Variants in CDK19 observed in about 807,000 individuals in gnomAD.
CDK19 encodes cyclin dependent kinase 19.
A neutral mutation model predicts 68.3 loss-of-function variants in CDK19; 20 were observed. That is an observed-to-expected ratio of 0.29 (90% CI 0.21 to 0.43). The LOEUF (loss-of-function observed/expected upper bound fraction) is 0.43, where lower values mean the gene tolerates loss of function less well. CDK19 is among the 20% of genes least tolerant of loss of function. The pLI is 1.00. For synonymous variants in CDK19, 221 were observed against 222.8 expected, an observed-to-expected ratio of 0.99 and a Z score of 0.07; for missense variants, 339 against 623.5, an observed-to-expected ratio of 0.54 and a Z score of 4.86.
intron 1 of CDK19, among the ~76,000 whole-genome samples, chr6:110,808,796 C>T (rs1057473562): frequency 1.3e-5 from 2 of 152,088 alleles, no homozygotes; most frequent in African/African-American, 4.8e-5. Flanking sequence ...TATAAAATAG[C>T]TAGTAAAAGC....
intron 2 of CDK19, among the ~76,000 whole-genome samples, chr6:110,716,436 A>C (rs9481099): frequency 0.019 from 2,951 of 152,246 alleles, 92 homozygotes; most frequent in African/African-American, 0.068. Context: ...AAGAAAAAAA[A>C]ACCTAACAAA....
chr6:110,659,288 C>T (rs1781480762), intron 4 of CDK19, among the ~76,000 whole-genome samples: 2 of 152,174 alleles, frequency 1.3e-5, no homozygotes, highest in Admixed American at 6.5e-5. Context: ...ATCAAATGTT[C>T]AGAAAGATGA....
At chr6:110,778,406 C>T (rs1780563098) in intron 1 of CDK19, among the ~76,000 whole-genome samples, 1 of 152,020 alleles carries the variant, frequency 6.6e-6, no homozygotes, top group South Asian at 2.1e-4. Flanking sequence ...TCTTTTAATT[C>T]AAAGGTTAAA....
intron 2 of CDK19, among the ~76,000 whole-genome samples, chr6:110,707,366 A>C (rs1244880007): frequency 6.6e-6 from 1 of 151,984 alleles, no homozygotes; most frequent in African/African-American, 2.4e-5. Flanking sequence ...AAAAAAACTG[A>C]GAAGGCTGAA....
At chr6:110,683,625 C>A (rs1470148915) in intron 2 of CDK19, among the ~76,000 whole-genome samples, 2 of 151,810 alleles carry the variant, frequency 1.3e-5, no homozygotes, top group African/African-American at 4.8e-5. Flanking sequence ...ACCAAGTAAG[C>A]TTTGCGATAA....
chr6:110,631,533 T>C (rs1779436876), intron 6 of CDK19, among the ~76,000 whole-genome samples: 1 of 152,230 alleles, frequency 6.6e-6, no homozygotes, highest in Admixed American at 6.5e-5. Context: ...CCAGACTCTA[T>C]TTCCTACCTT....
At chr6:110,651,312 T>TG (rs551471582) in intron 4 of CDK19, among the ~76,000 whole-genome samples, 88 of 152,260 alleles carry the variant, frequency 5.8e-4, no homozygotes, top group Non-Finnish European at 1.1e-3. Context: ...ATCTTCCTCC[T>TG]GCCCAATTTC....
intron 12 of CDK19, among the ~76,000 whole-genome samples, chr6:110,617,409 A>G (rs1778384668): frequency 6.6e-6 from 1 of 152,044 alleles, no homozygotes; most frequent in African/African-American, 2.4e-5. Flanking sequence ...CCCTCAGTCT[A>G]TTAGCATCAG....
intron 12 of CDK19, among the ~76,000 whole-genome samples, chr6:110,620,672 C>T (rs889890930): frequency 1.3e-5 from 2 of 152,162 alleles, no homozygotes; most frequent in Admixed American, 6.6e-5. Flanking sequence ...TCAGTCTTAG[C>T]CCCCTTCTCT....
chr6:110,638,603 G>C lies in CDK19; in HGVS notation c.514+46C>G, dbSNP rs762790561. 1.7e-5 allele frequency: 16 copies of C among 946,454 alleles called. No homozygotes were observed. In the East Asian group the frequency reaches 2.4e-4, roughly 14 times the overall value. 58.6% of individuals were successfully genotyped at this position (946,454 alleles called of 1,614,324 possible). ...ATTAAAAAGGGAAACCATCTTTGCA[G>C]TTAACTTCAGTTTTTAAATAAATTA... is the stretch of plus-strand genomic sequence containing the variant. On this transcript the variant is annotated intron_variant, in intron 5 of 12. Transcript: ENST00000368911.
chr6:110,646,161 C>T lies in CDK19; in HGVS notation c.457-7455G>A, dbSNP rs1007877709. On this transcript the variant is annotated intron_variant, in intron 4 of 12. Transcript: ENST00000368911. Reference sequence around the variant, plus strand: ...CACCTTCGGCATGGAGAGCACGCAGCGCGCCACCGGCCACCAGAGCCTGTT... The same window carrying T: ...CACCTTCGGCATGGAGAGCACGCAGTGCGCCACCGGCCACCAGAGCCTGTT... 4.8e-6 allele frequency: 5 copies of T among 1,038,182 alleles called. No individual in the cohort carries two copies. The African/African-American group carries it at 6.3e-5, about 13-fold the overall frequency. 64.3% of individuals were successfully genotyped at this position (1,038,182 alleles called of 1,614,324 possible).
chr6:110,771,752 C>T (rs915323006), intron 1 of CDK19, among the ~76,000 whole-genome samples: 3 of 152,180 alleles, frequency 2.0e-5, no homozygotes, highest in Non-Finnish European at 2.9e-5. Flanking sequence ...TCCAAGTCAC[C>T]TCTCGAATGC....
chr6:110,734,520 G>GCGCTCTCTCTCTCT (rs1554214772), intron 2 of CDK19, among the ~76,000 whole-genome samples: 2 of 85,734 alleles, frequency 2.3e-5, no homozygotes, highest in Non-Finnish European at 4.7e-5. Flanking sequence ...GGTGAGCACT[G>GCGCTCTCTCTCTCT]CTCTCTCTCT....
At chr6:110,761,003 A>G (rs1338405696) in intron 1 of CDK19, among the ~76,000 whole-genome samples, 1 of 152,212 alleles carries the variant, frequency 6.6e-6, no homozygotes, top group African/African-American at 2.4e-5. Context: ...AAGTTCAGTA[A>G]GGCTGGTTTC....
intron 12 of CDK19, among the ~76,000 whole-genome samples, chr6:110,618,579 TG>T (rs1778499887): frequency 6.6e-6 from 1 of 152,234 alleles, no homozygotes; most frequent in African/African-American, 2.4e-5. Context: ...AGGGTGGGGT[TG>T]AGGTCCCACC....
At chr6:110,734,520 G>GCCCTCTCTCTCTCT (rs1554214772) in intron 2 of CDK19, among the ~76,000 whole-genome samples, 1 of 85,734 alleles carries the variant, frequency 1.2e-5, no homozygotes, top group African/African-American at 4.2e-5. Flanking sequence ...GGTGAGCACT[G>GCCCTCTCTCTCTCT]CTCTCTCTCT....
At chr6:110,700,164 CTG>C (rs1198034695) in intron 2 of CDK19, among the ~76,000 whole-genome samples, 1 of 152,224 alleles carries the variant, frequency 6.6e-6, no homozygotes, top group Non-Finnish European at 1.5e-5. Flanking sequence ...TGATCTGTCA[CTG>C]TCTCCCAGTA....
intron 2 of CDK19, among the ~76,000 whole-genome samples, chr6:110,723,089 A>G (rs1776034358): frequency 6.6e-6 from 1 of 150,922 alleles, no homozygotes; most frequent in Non-Finnish European, 1.5e-5. Context: ...ACTTGTAACC[A>G]ATAGAAGGCT....
chr6:110,741,495 A>G (rs1443649358), intron 2 of CDK19, among the ~76,000 whole-genome samples: 1 of 151,842 alleles, frequency 6.6e-6, no homozygotes, highest in Non-Finnish European at 1.5e-5. Context: ...AAAAAAAAAA[A>G]GAAATGATGG....
Sources: allele counts gnomAD v4.1 joint callset (sites outside exome capture counted in the v4.1 genomes callset), GRCh38; gene constraint gnomAD v4.1.1; transcripts MANE v1.5; gene names NCBI Gene and HGNC (gene_info 2026-07-23, HGNC 2026-07-21).